PRDM13: variants seen among roughly 807,000 people sequenced by gnomAD.
PRDM13 encodes PR/SET domain 13, also known as PR domain zinc finger protein 13.
In PRDM13, 15 loss-of-function variants were observed where a neutral mutation model predicts 36.4. The observed-to-expected ratio is 0.41, with a 90% CI of 0.28 to 0.64. PRDM13 has a LOEUF of 0.64. Ranked by LOEUF, PRDM13 falls within the 30% of genes least tolerant of loss-of-function variation. The pLI is 0.29. For missense variants in PRDM13, 1,044 were observed against 1,013.5 expected (o/e 1.03, Z -0.41); for synonymous variants, 531 against 467.7 (o/e 1.14, Z -1.75).
At chr6:99,608,468 G>T (rs1562507543) in intron 1 of PRDM13, among the ~76,000 whole-genome samples, 2 of 152,184 alleles carry the variant, frequency 1.3e-5, no homozygotes, top group South Asian at 4.1e-4. Flanking sequence ...TAAGCACTCA[G>T]GGAGGATGCT....
Position 99,613,523 on chromosome 6 carries a change from G to A in PRDM13, c.888G>A (p.Lys296=), listed in dbSNP as rs1348603270. The A allele has an allele frequency of 6.7e-7, 1 of 1,502,004 alleles. No homozygotes were observed. The highest frequency in any genetic ancestry group is 2.2e-5 in the Admixed American group (1 of 44,606). The allele number at this position is 1,502,004 out of a possible 1,614,324, so 93.0% of individuals were successfully genotyped here. The change falls in exon 4 of 4, where the codon AAG becomes AAA. Residue 296 remains lysine, a synonymous_variant. Transcript: ENST00000369215. The surrounding 1 kb of genome is among the most constrained non-coding windows in gnomAD (Gnocchi z 6.1). The part of the protein sequence containing the change: ...AFYPGVRSAF[K]PAGLARAAAA... ...ACCCCGGCGTGCGCTCAGCTTTCAA[G>A]CCCGCCGGCCTAGCGAGGGCGGCGG...
In PRDM13 at chr6:99,613,203, C is replaced by A; in HGVS notation, c.568C>A (p.Leu190Ile). The part of the protein sequence containing the change: ...GAVPAADGLG[L>I]SPKPPAPDFA... ...CGTCCCAGCGGCTGATGGCCTCGGT[C>A]TCTCCCCAAAACCCCCGGCGCCCGA... The change falls in exon 4 of 4, where the codon CTC (leucine) becomes ATC (isoleucine). Residue 190 changes from leucine (L) to isoleucine (I), a missense_variant. Physicochemically the swap from Leu to Ile is conservative, Grantham distance 5. Coordinates refer to ENST00000369215, the MANE Select transcript of PRDM13 (RefSeq NM_021620.4). The surrounding 1 kb of genome is among the most constrained non-coding windows in gnomAD (Gnocchi z 6.1). 1 of 1,612,376 alleles carries A rather than the reference C, an allele frequency of 6.2e-7. No homozygotes were observed. Among genetic ancestry groups the A allele is most frequent in the East Asian group, 2.2e-5 (1 of 44,878 alleles).
chr6:99,612,545 C>G (rs779104910), intron 3 of PRDM13, among the ~76,000 whole-genome samples: 4 of 152,178 alleles, frequency 2.6e-5, no homozygotes, highest in Non-Finnish European at 5.9e-5. Context: ...ATGGCCTATA[C>G]ATACAGGATA....
chr6:99,614,478 A>G lies in PRDM13; in HGVS notation c.1843A>G (p.Asn615Asp). 1 of 1,613,426 alleles carries G rather than the reference A, an allele frequency of 6.2e-7. No homozygotes were observed. Among genetic ancestry groups the G allele is most frequent in the Non-Finnish European group, 8.5e-7 (1 of 1,180,008 alleles). ...TCTGCGGCCCTTCGGCGACCCCAGC[A>G]ATCTCAACAAGCACATCCGGCTGCA... ...VCLRPFGDPS[N>D]LNKHIRLHAE... is the part of the protein sequence containing the mutation. Residue 615 changes from asparagine to aspartate, a missense_variant, in exon 4 of 4, where the codon AAT (asparagine) becomes GAT (aspartate). Transcript: ENST00000369215.
intron 3 of PRDM13, among the ~76,000 whole-genome samples, chr6:99,612,721 C>T (rs1770049087): frequency 6.6e-6 from 1 of 152,208 alleles, no homozygotes; most frequent in Admixed American, 6.5e-5. Context: ...TTTGCTCTTA[C>T]ACGGCCAGCC....
chr6:99,613,069 C>T lies in PRDM13; in HGVS notation c.434C>T (p.Thr145Met). 1 of 1,613,686 alleles carries T rather than the reference C, an allele frequency of 6.2e-7. No individual in the cohort carries two copies. Among genetic ancestry groups the T allele is most frequent in the Non-Finnish European group, 8.5e-7 (1 of 1,179,978 alleles). The change falls in exon 4 of 4, where the codon ACG (threonine) becomes ATG (methionine). Residue 145 changes from threonine to methionine, a missense_variant. Around this residue, in one of 3 missense-constraint regions of PRDM13, gnomAD observed 921 missense variants for 865.2 expected, o/e 1.06. Coordinates refer to ENST00000369215, the MANE Select transcript of PRDM13 (RefSeq NM_021620.4). The surrounding 1 kb of genome is among the most constrained non-coding windows in gnomAD (Gnocchi z 6.1). ...TACATCTGCTGGTACTGCTGGAGGA[C>T]GTTTAGATACCCCAACAGCCTTAAG... ...ERYICWYCWR[T>M]FRYPNSLKAH...
Position 99,613,081 on chromosome 6 carries a change from C to A in PRDM13, c.446C>A (p.Pro149His). Residue 149 changes from proline (P) to histidine (H), a missense_variant, in exon 4 of 4, where the codon CCC becomes CAC. Physicochemically the swap from Pro to His is moderately conservative, Grantham distance 77 (BLOSUM62 -2). Transcript: ENST00000369215. The surrounding 1 kb of genome is among the most constrained non-coding windows in gnomAD (Gnocchi z 6.1). ...TACTGCTGGAGGACGTTTAGATACCCCAACAGCCTTAAGGCACACCTGCGT... is the reference window on the plus strand; with the variant it reads ...TACTGCTGGAGGACGTTTAGATACCACAACAGCCTTAAGGCACACCTGCGT... ...CWYCWRTFRY[P>H]NSLKAHLRFH... 6.2e-7 allele frequency: 1 copy of A among 1,613,850 alleles called. No homozygotes were observed. Among genetic ancestry groups the A allele is most frequent in the South Asian group, 1.1e-5 (1 of 91,080 alleles).
chr6:99,606,847 C>A lies in PRDM13; in HGVS notation c.-188C>A, dbSNP rs531697734. ...TCTCTCACCAAACTCCGCGCCCTTGCGCTAGCGGTGCCAAAAGGCTCCCGC... is the reference window on the plus strand; with the variant it reads ...TCTCTCACCAAACTCCGCGCCCTTGAGCTAGCGGTGCCAAAAGGCTCCCGC... On this transcript the variant is annotated 5_prime_UTR_variant, in exon 1 of 4. Transcript: ENST00000369215. 6 of 737,356 alleles carry A rather than the reference C, an allele frequency of 8.1e-6. No individual in the cohort carries two copies. In the East Asian group the frequency reaches 9.0e-5, roughly 11 times the overall value. 45.7% of individuals were successfully genotyped at this position (737,356 alleles called of 1,614,324 possible).
rs1397533522 is a variant in PRDM13, at chr6:99,614,054, A to G, written c.1419A>G (p.Ser473=). The change falls in exon 4 of 4, where the codon TCA becomes TCG. Residue 473 remains serine, a synonymous_variant. Coordinates refer to ENST00000369215, the MANE Select transcript of PRDM13 (RefSeq NM_021620.4). The part of the protein sequence containing the change: ...TVYNGELLYG[S]PATTAYYPLK... ...ACAACGGGGAGCTGCTCTACGGCTC[A>G]CCGGCCACCACCGCTTATTACCCGC... 5 of 1,606,710 alleles carry G rather than the reference A, an allele frequency of 3.1e-6. No individual in the cohort carries two copies. The African/African-American group carries it at 6.7e-5, about 22-fold the overall frequency.
At position 99,613,227 on chromosome 6, in the gene PRDM13, G is replaced by A. The variant is rs373935217; in HGVS notation, c.592G>A (p.Asp198Asn). 163 of 1,611,182 alleles carry A rather than the reference G, an allele frequency of 1.0e-4. No homozygotes were observed. The highest frequency in any genetic ancestry group is 1.3e-4 in the Non-Finnish European group (151 of 1,179,536). Reference protein sequence around the residue: ...LGLSPKPPAPDFAAPSQAGTL... With the variant: ...LGLSPKPPAPNFAAPSQAGTL... ...TCTCTCCCCAAAACCCCCGGCGCCC[G>A]ATTTCGCCGCGCCTTCCCAGGCAGG... Residue 198 changes from aspartate (D) to asparagine (N), a missense_variant, in exon 4 of 4, where the codon GAT becomes AAT. Around this residue, in one of 3 missense-constraint regions of PRDM13, gnomAD observed 921 missense variants for 865.2 expected, o/e 1.06. Transcript: ENST00000369215. This position sits in a 1 kb window ranked among gnomAD's most constrained non-coding sequence, Gnocchi z 6.1.
intron 2 of PRDM13, 145 bp from the exon 3 acceptor site, chr6:99,609,042 A>G: frequency 2.9e-6 from 4 of 1,376,552 alleles, no homozygotes. Context: ...CGTTTGAAGG[A>G]TGACGGAAGT....
chr6:99,614,804 AG>A lies in PRDM13; in HGVS notation c.*48del. The A allele has an allele frequency of 6.6e-7, 1 of 1,520,396 alleles. No homozygotes were observed. 94.2% of individuals were successfully genotyped at this position (1,520,396 alleles called of 1,614,324 possible). A position where few individuals can be genotyped will look rare whatever the true frequency, so the allele number is the denominator to read the frequency against. On this transcript the variant is annotated 3_prime_UTR_variant, in exon 4 of 4. Transcript: ENST00000369215. ...GCGGGGTGAGGACAGAGAGGAGTCG[AG>A]GGTTTATTCTCGCAGTAGAGGAACT...
Position 99,608,818 on chromosome 6 carries a change from C to T in PRDM13, c.222C>T (p.Ala74=). 7 of 1,613,932 alleles carry T rather than the reference C, an allele frequency of 4.3e-6. No homozygotes were observed. Among genetic ancestry groups the T allele is most frequent in the Non-Finnish European group, 5.9e-6 (7 of 1,179,964 alleles). Residue 74 remains alanine (A), a synonymous_variant, in exon 2 of 4, where the codon GCC becomes GCT. Transcript: ENST00000369215. ...AGTGGATAGGGTTAATCCGGGCAGC[C>T]AGAAACTCCCAGGAACAGACTCTGG... ...PLEWIGLIRA[A]RNSQEQTLEA... is the part of the protein sequence containing the mutation.
chr6:99,614,612 C>G lies in PRDM13; in HGVS notation c.1977C>G (p.Leu659=), dbSNP rs1379811890. The G allele has an allele frequency of 2.5e-6, 4 of 1,612,560 alleles. No individual in the cohort carries two copies. The highest frequency in any genetic ancestry group is 1.3e-5 in the African/African-American group (1 of 75,054). The change falls in exon 4 of 4, where the codon CTC becomes CTG. Residue 659 remains leucine, a synonymous_variant. Coordinates refer to ENST00000369215, the MANE Select transcript of PRDM13 (RefSeq NM_021620.4). The part of the protein sequence containing the change: ...VKSRHPGQSL[L]AKAGDGPGAE... ...CCCGCCACCCTGGCCAGAGTCTGCT[C>G]GCCAAAGCGGGCGACGGCCCGGGTG...
rs1370019635 is a variant in PRDM13, at chr6:99,608,768, G to T, written c.172G>T (p.Asp58Tyr). The change falls in exon 2 of 4, where the codon GAC (aspartate) becomes TAC (tyrosine). Residue 58 changes from aspartate to tyrosine, a missense_variant. Transcript: ENST00000369215. The stretch of plus-strand genomic sequence containing the variant: ...GCGCATGGTGAGAGGGGAGCTGGTG[G>T]ACGAGTCGGGGGGCTCCCCTCTGGA... The part of the protein sequence containing the change: ...KVRMVRGELV[D>Y]ESGGSPLEWI... 1.2e-6 allele frequency: 2 copies of T among 1,611,966 alleles called. No homozygotes were observed.
At position 99,613,756 on chromosome 6, in the gene PRDM13, C is replaced by A; in HGVS notation, c.1121C>A (p.Pro374Gln). 1 of 1,490,228 alleles carries A rather than the reference C, an allele frequency of 6.7e-7. No individual in the cohort carries two copies. The highest frequency in any genetic ancestry group is 8.9e-7 in the Non-Finnish European group (1 of 1,126,310). The allele number at this position is 1,490,228 out of a possible 1,614,324, so 92.3% of individuals were successfully genotyped here. Residue 374 changes from proline (P) to glutamine (Q), a missense_variant, in exon 4 of 4, where the codon CCG (proline) becomes CAG (glutamine). Around this residue, in one of 3 missense-constraint regions of PRDM13, gnomAD observed 921 missense variants for 865.2 expected, o/e 1.06. Transcript: ENST00000369215. The surrounding 1 kb of genome is among the most constrained non-coding windows in gnomAD (Gnocchi z 6.1). Reference sequence around the variant, plus strand: ...TGCCTGCTCGCTGGGGACCCGCCGCCGCCGCCGCCGCCTGGCCTGCCCTGC... The same window carrying A: ...TGCCTGCTCGCTGGGGACCCGCCGCAGCCGCCGCCGCCTGGCCTGCCCTGC... ...PKCLLAGDPP[P>Q]PPPPGLPCSG... is the part of the protein sequence containing the mutation.
At chr6:99,612,912 T>C (rs945280306) in intron 3 of PRDM13, 121 bp from the exon 4 acceptor site, 2 of 1,496,330 alleles carry the variant, frequency 1.3e-6, no homozygotes, top group Non-Finnish European at 1.8e-6. Flanking sequence ...CGAACTTATA[T>C]TTCACCCTCT....
chr6:99,611,372 T>G (rs1451307638), intron 3 of PRDM13, among the ~76,000 whole-genome samples: 1 of 152,086 alleles, frequency 6.6e-6, no homozygotes, highest in African/African-American at 2.4e-5. Context: ...GCTCTGAAGT[T>G]AGAAGGAAGT....
Position 99,613,647 on chromosome 6 carries a change from C to A in PRDM13, c.1012C>A (p.Arg338Ser). 7.0e-7 allele frequency: 1 copy of A among 1,431,380 alleles called. No homozygotes were observed. The highest frequency in any genetic ancestry group is 9.0e-7 in the Non-Finnish European group (1 of 1,107,582). 88.7% of individuals were successfully genotyped at this position (1,431,380 alleles called of 1,614,324 possible). Residue 338 changes from arginine (R) to serine (S), a missense_variant, in exon 4 of 4, where the codon CGC becomes AGC. This residue lies in a region of PRDM13 where 921 missense variants were observed against 865.2 expected (regional missense o/e 1.06). Coordinates refer to ENST00000369215, the MANE Select transcript of PRDM13 (RefSeq NM_021620.4). The surrounding 1 kb of genome is among the most constrained non-coding windows in gnomAD (Gnocchi z 6.1). ...RLLGGGRACG[R>S]PGSGENSAAG... ...GCTGGGCGGGGGCCGGGCGTGCGGG[C>A]GCCCCGGGAGCGGGGAGAACTCGGC...
Sources: allele counts gnomAD v4.1 joint callset (sites outside exome capture counted in the v4.1 genomes callset), GRCh38; gene constraint gnomAD v4.1.1; regional missense constraint gnomAD v4.1.1; non-coding constraint Gnocchi (gnomAD v3.1); transcripts MANE v1.5; gene names NCBI Gene and HGNC (gene_info 2026-07-23, HGNC 2026-07-21).